The following STAP1 variants were observed in gnomAD, a reference collection of about 807,000 sequenced individuals.
The protein encoded by STAP1 is signal transducing adaptor family member 1, also known as signal-transducing adaptor protein 1.
Under a neutral mutation model 37.8 loss-of-function variants are expected in STAP1, and 30 were observed. That is an observed-to-expected ratio of 0.79 (90% CI 0.59 to 1.08). STAP1 has a LOEUF of 1.08. STAP1 is among the 50% of genes least tolerant of loss of function. The pLI, the probability that STAP1 is intolerant of heterozygous loss-of-function variation, is 0.00. For synonymous variants in STAP1, 130 were observed against 116.0 expected (o/e 1.12, Z -0.78); for missense variants, 357 against 349.4 (o/e 1.02, Z -0.17).
At chr4:67,571,390 T>G (rs1253799476) in intron 2 of STAP1, among the ~76,000 whole-genome samples, 1 of 152,228 alleles carries the variant, frequency 6.6e-6, no homozygotes, top group Non-Finnish European at 1.5e-5. Context: ...ATTATTTTCT[T>G]TCTGATTCTG....
At chr4:67,577,109 T>C in intron 3 of STAP1, 94 bp from the exon 4 acceptor site, 1 of 1,140,532 alleles carries the variant, frequency 8.8e-7, no homozygotes. Flanking sequence ...AGAAAATGAA[T>C]TATTTTTTAG....
At chr4:67,581,164 T>A (rs777015139) in intron 4 of STAP1, 141 bp from the exon 5 acceptor site, 15 of 733,600 alleles carry the variant, frequency 2.0e-5, no homozygotes, top group Non-Finnish European at 3.1e-5. Flanking sequence ...TAAAATCCTC[T>A]GTTTCTTATT....
chr4:67,604,533 T>C (rs1446978689), intron 8 of STAP1, among the ~76,000 whole-genome samples: 1 of 152,232 alleles, frequency 6.6e-6, no homozygotes, highest in African/African-American at 2.4e-5. Flanking sequence ...TTCAAGAATG[T>C]TTATGACCAC....
intron 2 of STAP1, among the ~76,000 whole-genome samples, chr4:67,574,533 C>G (rs569722685): frequency 1.9e-4 from 29 of 152,182 alleles, no homozygotes; most frequent in African/African-American, 7.0e-4. Context: ...AATATTTTGT[C>G]AATTTTTGTT....
chr4:67,581,041 G>C (rs76394559), intron 4 of STAP1, among the ~76,000 whole-genome samples: 2,149 of 152,280 alleles, frequency 0.014, 31 homozygotes, highest in South Asian at 0.029. Context: ...GTGCAAGGCG[G>C]GGTGTTCTTT....
At position 67,566,102 on chromosome 4, in the gene STAP1, C is replaced by T. The variant is rs116995770; in HGVS notation, c.121-4982C>T. Among the ~76,000 whole-genome samples, 390 of 152,004 alleles carry T rather than the reference C, an allele frequency of 2.6e-3. 9 individuals are homozygous for T. In the East Asian group the frequency reaches 0.047, roughly 18 times the overall value. ...TAGCTGGGATTACAGGCGCCCGCCA[C>T]TACTCCGGCTAATTTTCATATTTTT... On this transcript the variant is annotated intron_variant, in intron 1 of 8. Transcript: ENST00000265404.
rs745379869 is a variant in STAP1 at position 67,577,213 on chromosome 4, C to G, written c.317C>G (p.Thr106Arg). 6.2e-7 allele frequency: 1 copy of G among 1,610,682 alleles called. No homozygotes were observed. Among genetic ancestry groups the G allele is most frequent in the South Asian group, 1.1e-5 (1 of 90,272 alleles). The change falls in exon 4 of 9, where the codon ACA (threonine) becomes AGA (arginine). Residue 106 changes from threonine (T) to arginine (R), a missense_variant. Physicochemically the swap from Thr to Arg is moderately conservative, Grantham distance 71 (BLOSUM62 -1). Coordinates refer to ENST00000265404, the MANE Select transcript of STAP1 (RefSeq NM_012108.4). ...KEEVQLKTEN[T>R]ESGEEWRGFI... ...TGTCTTCAACTTTAGACAGAGAACA[C>G]AGAAAGTGGGGAAGAATGGAGAGGC... is the stretch of plus-strand genomic sequence containing the variant.
At chr4:67,570,028 C>A (rs1237888401) in intron 1 of STAP1, among the ~76,000 whole-genome samples, 1 of 152,124 alleles carries the variant, frequency 6.6e-6, no homozygotes, top group African/African-American at 2.4e-5. Flanking sequence ...CCAGGCCCAG[C>A]CCCAGTGGAT....
chr4:67,601,385 T>C (rs1031061885), intron 8 of STAP1, among the ~76,000 whole-genome samples: 1 of 152,220 alleles, frequency 6.6e-6, no homozygotes, highest in South Asian at 2.1e-4. Flanking sequence ...ATATAAGTAG[T>C]TTACACACCA....
chr4:67,593,465 C>G (rs185101427), intron 8 of STAP1, 109 bp downstream of exon 8: 6 of 742,892 alleles, frequency 8.1e-6, no homozygotes, highest in Middle Eastern at 2.5e-4. Context: ...AACTGTAGTT[C>G]AGTCTTTAAA....
At chr4:67,590,681 T>C in intron 6 of STAP1, among the ~76,000 whole-genome samples, 1 of 151,224 alleles carries the variant, frequency 6.6e-6, no homozygotes, top group Non-Finnish European at 1.5e-5. Flanking sequence ...ATATCCCTAG[T>C]GAGTAGCCCC....
At chr4:67,594,344 A>G (rs1217705146) in intron 8 of STAP1, among the ~76,000 whole-genome samples, 1 of 152,242 alleles carries the variant, frequency 6.6e-6, no homozygotes, top group Non-Finnish European at 1.5e-5. Context: ...AAGAGTAACC[A>G]AAACCACAGA....
chr4:67,603,612 T>C (rs354881), intron 8 of STAP1, among the ~76,000 whole-genome samples: 131,856 of 151,904 alleles, frequency 0.87, 58,434 homozygotes, highest in East Asian at 0.99. Flanking sequence ...CTGCCAGGAC[T>C]GAGTCCTTCC....
At chr4:67,577,011 C>G (rs1727736977) in intron 3 of STAP1, among the ~76,000 whole-genome samples, 192 bp from the exon 4 acceptor site, 1 of 152,050 alleles carries the variant, frequency 6.6e-6, no homozygotes, top group African/African-American at 2.4e-5. Flanking sequence ...AGTAAGCAAA[C>G]AGATTACAGC....
Position 67,606,308 on chromosome 4 carries a change from G to GTAT in STAP1, c.840_842dup (p.Ser280_Met281insIle). On this transcript the variant is annotated inframe_insertion, in exon 9 of 9. Coordinates refer to ENST00000265404, the MANE Select transcript of STAP1 (RefSeq NM_012108.4). The stretch of plus-strand genomic sequence containing the variant: ...CCACAATTTCTAGGTCAAGAACCCA[G>GTAT]TATGGAAGGGAGAAGTGAAAAGTTG... 1 of 1,612,346 alleles carries GTAT rather than the reference G, an allele frequency of 6.2e-7. No homozygotes were observed. Among genetic ancestry groups the GTAT allele is most frequent in the Non-Finnish European group, 8.5e-7 (1 of 1,179,366 alleles).
intron 6 of STAP1, among the ~76,000 whole-genome samples, chr4:67,588,353 CGAT>C (rs35620968): frequency 0.2 from 30,535 of 150,832 alleles, 3,539 homozygotes; most frequent in Non-Finnish European, 0.27. Flanking sequence ...ACGACGACGA[CGAT>C]GATGATGATG....
At chr4:67,588,475 G>T (rs1012353343) in intron 6 of STAP1, among the ~76,000 whole-genome samples, 7 of 151,940 alleles carry the variant, frequency 4.6e-5, no homozygotes, top group Non-Finnish European at 7.4e-5. Context: ...AGTGGTGCGA[G>T]CTCGGCTCAC....
At chr4:67,582,550 CA>C (rs1489142654) in intron 5 of STAP1, among the ~76,000 whole-genome samples, 1 of 152,062 alleles carries the variant, frequency 6.6e-6, no homozygotes, top group East Asian at 1.9e-4. Flanking sequence ...TCGAGTGATC[CA>C]CCCGCCTTGG....
intron 8 of STAP1, among the ~76,000 whole-genome samples, chr4:67,593,578 C>T (rs1728165720): frequency 6.6e-6 from 1 of 151,962 alleles, no homozygotes; most frequent in Non-Finnish European, 1.5e-5. Context: ...AATGGAAAAC[C>T]CTGAGGTATG....
Sources: gnomAD v4.1 joint callset for allele counts (sites outside exome capture counted in the v4.1 genomes callset) on GRCh38, gnomAD v4.1.1 for gene constraint, MANE v1.5 for transcripts, NCBI Gene and HGNC (gene_info 2026-07-23, HGNC 2026-07-21) for gene names.